Variants in MOXD1 observed in about 807,000 individuals in gnomAD.
MOXD1 encodes the protein DBH-like monooxygenase protein 1.
In MOXD1, 62 loss-of-function variants were observed where a neutral mutation model predicts 66.6. The ratio of observed to expected loss-of-function variants is 0.93; its 90% CI spans 0.76 to 1.15. The LOEUF (loss-of-function observed/expected upper bound fraction) is 1.15. Among genes scored for constraint, MOXD1 ranks in the 50% most tolerant of loss-of-function variants. The pLI is 0.00. For missense variants in MOXD1, 847 were observed against 754.6 expected (o/e 1.12, Z -1.44); for synonymous variants, 303 against 281.9 (o/e 1.07, Z -0.75).
chr6:132,308,651 A>C (rs944334593), intron 10 of MOXD1, among the ~76,000 whole-genome samples: 2 of 152,190 alleles, frequency 1.3e-5, no homozygotes, highest in African/African-American at 4.8e-5. Context: ...ATCCAGCAGC[A>C]CATCAAAAAA....
At chr6:132,340,703 G>C (rs1775539304) in intron 4 of MOXD1, among the ~76,000 whole-genome samples, 1 of 136,796 alleles carries the variant, frequency 7.3e-6, no homozygotes, top group Non-Finnish European at 1.5e-5. Context: ...CTGGAGTGCA[G>C]TGGCGCGATC....
chr6:132,343,613 A>G (rs1389443436), intron 4 of MOXD1, among the ~76,000 whole-genome samples: 1 of 152,098 alleles, frequency 6.6e-6, no homozygotes, highest in Admixed American at 6.6e-5. Context: ...CCACATGGTT[A>G]CAAACAGAGA....
intron 10 of MOXD1, among the ~76,000 whole-genome samples, chr6:132,301,152 G>C (rs891919490): frequency 3.3e-5 from 5 of 150,878 alleles, no homozygotes; most frequent in Non-Finnish European, 7.4e-5. Context: ...TGCATATCTT[G>C]TCAGTGTGTA....
At position 132,340,638 on chromosome 6, in the gene MOXD1, A is replaced by ATTTTTTTTTTTTTTTTT. The variant is rs869205496; in HGVS notation, c.664-12061_664-12045dup. On this transcript the variant is annotated intron_variant, in intron 4 of 11. Transcript: ENST00000367963. ...ACAACATGCTAAAACAACAAGACTC[A>ATTTTTTTTTTTTTTTTT]TTTTTTTTTTTTTTTTTTTTTTTTT... Among the ~76,000 whole-genome samples, 73 of 98,778 alleles carry ATTTTTTTTTTTTTTTTT rather than the reference A, an allele frequency of 7.4e-4. 8 individuals carry two copies. The highest frequency in any genetic ancestry group is 3.1e-3 in the African/African-American group (69 of 22,556). 64.8% of individuals were successfully genotyped at this position (98,778 alleles called of 152,430 possible). A position where few individuals can be genotyped will look rare whatever the true frequency, so the allele number is the denominator to read the frequency against.
chr6:132,386,065 T>C (rs1190897307), intron 1 of MOXD1, among the ~76,000 whole-genome samples: 4 of 137,148 alleles, frequency 2.9e-5, no homozygotes, highest in Non-Finnish European at 3.1e-5. Context: ...ATCGCGCCAC[T>C]GCACTCCAGC....
chr6:132,304,857 C>G (rs997814386), intron 10 of MOXD1, among the ~76,000 whole-genome samples: 1 of 151,924 alleles, frequency 6.6e-6, no homozygotes, highest in Non-Finnish European at 1.5e-5. Context: ...CAAAATACTG[C>G]CAAGAATATT....
chr6:132,311,954 A>G (rs1301406994), intron 10 of MOXD1, among the ~76,000 whole-genome samples: 2 of 152,136 alleles, frequency 1.3e-5, no homozygotes, highest in African/African-American at 2.4e-5. Context: ...AGAGGAAGAG[A>G]AACAGCTATT....
intron 10 of MOXD1, among the ~76,000 whole-genome samples, chr6:132,303,744 T>C (rs1171244301): frequency 1.8e-4 from 14 of 79,068 alleles, no homozygotes; most frequent in South Asian, 9.2e-4. Context: ...CATTTATTTA[T>C]ACACATGTAC....
At chr6:132,386,230 G>A (rs1776633217) in intron 1 of MOXD1, among the ~76,000 whole-genome samples, 1 of 141,958 alleles carries the variant, frequency 7.0e-6, no homozygotes, top group African/African-American at 2.7e-5. Context: ...GTGAAACCCC[G>A]TCTCTACTAA....
chr6:132,309,099 A>C (rs1284087761), intron 10 of MOXD1, among the ~76,000 whole-genome samples: 2 of 152,208 alleles, frequency 1.3e-5, no homozygotes, highest in Non-Finnish European at 2.9e-5. Context: ...TGCAGATGAC[A>C]TAATTTTATA....
At chr6:132,303,963 A>G (rs1197984266) in intron 10 of MOXD1, among the ~76,000 whole-genome samples, 1 of 149,332 alleles carries the variant, frequency 6.7e-6, no homozygotes, top group African/African-American at 2.5e-5. Context: ...GTAGTTCTCA[A>G]GAATAACTAT....
At position 132,390,104 on chromosome 6, in the gene MOXD1, A is replaced by C. The variant is rs146059226; in HGVS notation, c.264+11059T>G. On this transcript the variant is annotated intron_variant, in intron 1 of 11. Coordinates refer to ENST00000367963, the MANE Select transcript of MOXD1 (RefSeq NM_015529.4). Reference sequence around the variant, plus strand: ...TAAAATCACCAAGTCTCTAGATCAAAGCTTGAAAGACTCTAGCTGAGCTTA... The same window carrying C: ...TAAAATCACCAAGTCTCTAGATCAACGCTTGAAAGACTCTAGCTGAGCTTA... Among the ~76,000 whole-genome samples the C allele has an allele frequency of 1.8e-3, 273 of 151,676 alleles. 7 individuals carry two copies. The highest frequency in any genetic ancestry group is 5.3e-3 in the Admixed American group (80 of 15,146).
intron 4 of MOXD1, among the ~76,000 whole-genome samples, chr6:132,355,712 AAGCTGGTT>A (rs1775897578): frequency 6.6e-6 from 1 of 152,150 alleles, no homozygotes; most frequent in African/African-American, 2.4e-5. Flanking sequence ...TACCCAACCC[AAGCTGGTT>A]ACATACCTGT....
chr6:132,319,175 T>C (rs926707838), intron 9 of MOXD1, among the ~76,000 whole-genome samples: 2 of 151,994 alleles, frequency 1.3e-5, no homozygotes, highest in South Asian at 2.1e-4. Context: ...ACTTGCTCCA[T>C]GTGAAAGCTA....
In MOXD1 at chr6:132,323,714, A is replaced by G. The variant is rs78272500; in HGVS notation, c.1113+217T>C. ...ACAAAAAAGGTAGGAGTAAGAAGAAAAACACCCTGCCAACTACTTCTGTCT... is the reference window on the plus strand; with the variant it reads ...ACAAAAAAGGTAGGAGTAAGAAGAAGAACACCCTGCCAACTACTTCTGTCT... On this transcript the variant is annotated intron_variant, in intron 7 of 11. Transcript: ENST00000367963. Among the ~76,000 whole-genome samples, 208 of 152,302 alleles carry G rather than the reference A, an allele frequency of 1.4e-3. 7 individuals carry two copies. In the East Asian group the frequency reaches 0.033, roughly 24 times the overall value.
At chr6:132,397,694 G>GAAAGAAAGAAAGAAAGAAAGA (rs1554239260) in intron 1 of MOXD1, among the ~76,000 whole-genome samples, 4 of 117,508 alleles carry the variant, frequency 3.4e-5, no homozygotes, top group Non-Finnish European at 3.7e-5. Context: ...AAGAAAGAAA[G>GAAAGAAAGAAAGAAAGAAAGA]AAAGAAAAAG....
chr6:132,397,030 AG>A (rs1474029480), intron 1 of MOXD1, among the ~76,000 whole-genome samples: 1 of 152,158 alleles, frequency 6.6e-6, no homozygotes, highest in East Asian at 1.9e-4. Flanking sequence ...AAGTCATAAA[AG>A]GCTGTACAGT....
chr6:132,372,669 G>C lies in MOXD1; in HGVS notation c.602C>G (p.Thr201Arg), dbSNP rs373584547. ...NQDVPIPNKDTTYWCQMFKIP... is the reference protein window; with the variant it reads ...NQDVPIPNKDRTYWCQMFKIP... ...CTTAAACATTTGGCACCAATATGTT[G>C]TATCTTTGTTTGGGATGGGGACCTG... is the stretch of plus-strand genomic sequence containing the variant. The change falls in exon 4 of 12, where the codon ACA (threonine) becomes AGA (arginine). Residue 201 changes from threonine to arginine, a missense_variant. Physicochemically the swap from Thr to Arg is moderately conservative, Grantham distance 71. Coordinates refer to ENST00000367963, the MANE Select transcript of MOXD1 (RefSeq NM_015529.4). 2 of 1,613,712 alleles carry C rather than the reference G, an allele frequency of 1.2e-6. No homozygotes were observed. The highest frequency in any genetic ancestry group is 1.3e-5 in the African/African-American group (1 of 74,894).
intron 6 of MOXD1, among the ~76,000 whole-genome samples, chr6:132,327,385 G>T (rs913316469): frequency 6.6e-6 from 1 of 152,144 alleles, no homozygotes; most frequent in Non-Finnish European, 1.5e-5. Flanking sequence ...CATAGTTGGA[G>T]CTCAGTATTT....
Sources: allele counts gnomAD v4.1 joint callset (sites outside exome capture counted in the v4.1 genomes callset), GRCh38; gene constraint gnomAD v4.1.1; transcripts MANE v1.5; gene names NCBI Gene and HGNC (gene_info 2026-07-23, HGNC 2026-07-21).